The following GNAI1 variants were observed in gnomAD, a reference collection of about 807,000 sequenced individuals.
The protein encoded by GNAI1 is guanine nucleotide-binding protein G(i) subunit alpha-1.
A neutral mutation model predicts 38.9 loss-of-function variants in GNAI1; 11 were observed. The ratio of observed to expected loss-of-function variants is 0.28; its 90% CI spans 0.18 to 0.47. The LOEUF is 0.47. Among genes scored for constraint, GNAI1 ranks in the 20% least tolerant of loss-of-function variants. The probability of loss-of-function intolerance (pLI) is 0.99; values close to 1 mark genes in which losing one functional copy is unlikely to be tolerated. For synonymous variants in GNAI1, 166 were observed against 145.1 expected (o/e 1.14, Z -1.04); for missense variants, 317 against 436.9 (o/e 0.73, Z 2.45).
At chr7:80,141,476 G>C (rs1009117036) in intron 1 of GNAI1, among the ~76,000 whole-genome samples, 1 of 152,168 alleles carries the variant, frequency 6.6e-6, no homozygotes, top group Non-Finnish European at 1.5e-5. Context: ...AAGAAAAAAG[G>C]AGTCTCTAGT....
At chr7:80,186,140 C>A (rs563337622) in intron 1 of GNAI1, among the ~76,000 whole-genome samples, 60 of 149,926 alleles carry the variant, frequency 4.0e-4, no homozygotes, top group African/African-American at 1.4e-3. Context: ...TCAAGCAGCT[C>A]TTCTGCCTCA....
At chr7:80,207,296 G>T (rs1052396731) in intron 5 of GNAI1, among the ~76,000 whole-genome samples, 1 of 151,976 alleles carries the variant, frequency 6.6e-6, no homozygotes, top group Non-Finnish European at 1.5e-5. Flanking sequence ...TCTTGGTTAG[G>T]TGCACTCTTA....
intron 1 of GNAI1, among the ~76,000 whole-genome samples, chr7:80,173,137 T>A (rs1788124702): frequency 6.6e-6 from 1 of 152,164 alleles, no homozygotes; most frequent in Non-Finnish European, 1.5e-5. Flanking sequence ...GGACACCTCC[T>A]CCACTTCCCG....
intron 1 of GNAI1, among the ~76,000 whole-genome samples, chr7:80,178,618 AT>A (rs1336062500): frequency 6.6e-6 from 1 of 152,194 alleles, no homozygotes; most frequent in Non-Finnish European, 1.5e-5. Flanking sequence ...GTAATAAAGT[AT>A]TTTTTATTAA....
In GNAI1 at chr7:80,158,343, C is replaced by T. The variant is rs972551744; in HGVS notation, c.118+23065C>T. Among the ~76,000 whole-genome samples, 13 of 152,294 alleles carry T rather than the reference C, an allele frequency of 8.5e-5. No individual in the cohort carries two copies. The East Asian group carries it at 2.1e-3, about 25-fold the overall frequency. On this transcript the variant is annotated intron_variant, in intron 1 of 7. Transcript: ENST00000649796. ...TAATATTTAGCAGTGTTTCCACATA[C>T]TTATGAAATTCTTGTTTTCTAAAGG...
Position 80,172,504 on chromosome 7 carries a change from CAT to C in GNAI1, c.119-16444_119-16443del, listed in dbSNP as rs552695431. On this transcript the variant is annotated intron_variant, in intron 1 of 7. Transcript: ENST00000649796. ...CTTGAGTATTTATTTTAGTCAAAAACATATGCTTCTATTCAGCAATCTTTTGA... is the reference window on the plus strand; with the variant it reads ...CTTGAGTATTTATTTTAGTCAAAAACATGCTTCTATTCAGCAATCTTTTGA... 8.5e-5 allele frequency among the ~76,000 whole-genome samples: 13 copies of C among 152,268 alleles called. No homozygotes were observed. The East Asian group carries it at 2.1e-3, about 25-fold the overall frequency.
In GNAI1 at chr7:80,139,603, G is replaced by A. The variant is rs181605688; in HGVS notation, c.118+4325G>A. 1.2e-3 allele frequency among the ~76,000 whole-genome samples: 181 copies of A among 152,172 alleles called. 2 individuals carry two copies. Among genetic ancestry groups the A allele is most frequent in the African/African-American group, 4.3e-3 (178 of 41,526 alleles). On this transcript the variant is annotated intron_variant, in intron 1 of 7. Coordinates refer to ENST00000649796, the MANE Select transcript of GNAI1 (RefSeq NM_002069.6). The stretch of plus-strand genomic sequence containing the variant: ...CTTCTATTTTATTATGTGTAAAATG[G>A]CTTCTTAATTATGTAAAATTATTAT...
chr7:80,209,099 A>C (rs1022600827), intron 5 of GNAI1, among the ~76,000 whole-genome samples: 5 of 152,144 alleles, frequency 3.3e-5, no homozygotes, highest in Admixed American at 2.0e-4. Flanking sequence ...AATCTCTTCA[A>C]GATAGTGTAG....
rs1789136467 is a variant in GNAI1 at position 80,225,033 on chromosome 7, A to C, written c.*7540A>C. Among the ~76,000 whole-genome samples, 1 of 152,216 alleles carries C rather than the reference A, an allele frequency of 6.6e-6. No homozygotes were observed. Among genetic ancestry groups the C allele is most frequent in the South Asian group, 2.1e-4 (1 of 4,832 alleles). On this transcript the variant is annotated 3_prime_UTR_variant, in exon 8 of 8. Coordinates refer to ENST00000649796, the MANE Select transcript of GNAI1 (RefSeq NM_002069.6). ...CAAGTTTTAGAGAAACACATACAAA[A>C]ACTAAAAAGGATAGAATGCTAAAAT...
At position 80,223,236 on chromosome 7, in the gene GNAI1, A is replaced by G. The variant is rs1162691774; in HGVS notation, c.*5743A>G. On this transcript the variant is annotated 3_prime_UTR_variant, in exon 8 of 8. Transcript: ENST00000649796. ...CCTTTTCCAACTGCAGTGTCTATGG[A>G]GGGATTCTTATAATTAATTTTATTC... is the stretch of plus-strand genomic sequence containing the variant. 6.6e-6 allele frequency among the ~76,000 whole-genome samples: 1 copy of G among 152,166 alleles called. No individual in the cohort carries two copies. Among genetic ancestry groups the G allele is most frequent in the African/African-American group, 2.4e-5 (1 of 41,448 alleles).
intron 1 of GNAI1, among the ~76,000 whole-genome samples, chr7:80,161,223 T>C (rs1268808822): frequency 6.6e-6 from 1 of 152,194 alleles, no homozygotes; most frequent in Non-Finnish European, 1.5e-5. Flanking sequence ...TACTGTTGCA[T>C]TATTACCTTA....
chr7:80,159,434 G>A (rs900909923), intron 1 of GNAI1, among the ~76,000 whole-genome samples: 1 of 151,986 alleles, frequency 6.6e-6, no homozygotes, highest in South Asian at 2.1e-4. Context: ...ACTCTTGTTG[G>A]CCCATAGCAG....
intron 1 of GNAI1, among the ~76,000 whole-genome samples, chr7:80,147,008 A>G (rs1015265717): frequency 1.3e-5 from 2 of 152,204 alleles, no homozygotes; most frequent in Non-Finnish European, 2.9e-5. Flanking sequence ...ATCATCTTGC[A>G]TGGAAACATC....
In GNAI1 at chr7:80,149,064, A is replaced by G. The variant is rs556509978; in HGVS notation, c.118+13786A>G. Reference sequence around the variant, plus strand: ...TCTCTCTATATAAAATATTACAGCTATACTGTGGACATTTAGGGAAGCAAA... The same window carrying G: ...TCTCTCTATATAAAATATTACAGCTGTACTGTGGACATTTAGGGAAGCAAA... On this transcript the variant is annotated intron_variant, in intron 1 of 7. Transcript: ENST00000649796. Among the ~76,000 whole-genome samples the G allele has an allele frequency of 9.2e-5, 14 of 152,250 alleles. No homozygotes were observed. In the East Asian group the frequency reaches 2.5e-3, roughly 27 times the overall value.
At chr7:80,206,763 A>G (rs1257022138) in intron 5 of GNAI1, among the ~76,000 whole-genome samples, 1 of 151,984 alleles carries the variant, frequency 6.6e-6, no homozygotes, top group Non-Finnish European at 1.5e-5. Context: ...ATAGTACTGA[A>G]CCCTATATAC....
intron 1 of GNAI1, among the ~76,000 whole-genome samples, chr7:80,175,433 A>G (rs1159558571): frequency 1.3e-5 from 2 of 152,058 alleles, no homozygotes; most frequent in African/African-American, 4.8e-5. Context: ...AAACTTAACC[A>G]ATTTCCAAAT....
At chr7:80,185,692 C>T (rs1788374344) in intron 1 of GNAI1, among the ~76,000 whole-genome samples, 2 of 152,140 alleles carry the variant, frequency 1.3e-5, no homozygotes, top group Non-Finnish European at 2.9e-5. Context: ...TTGGCATGCA[C>T]ATCAGGCAAC....
intron 1 of GNAI1, among the ~76,000 whole-genome samples, chr7:80,176,451 A>G (rs1584028633): frequency 6.6e-6 from 1 of 152,242 alleles, no homozygotes; most frequent in Non-Finnish European, 1.5e-5. Context: ...CAGATTTTCA[A>G]TGTAGGCAAA....
rs962801732 is a variant in GNAI1 at position 80,221,853 on chromosome 7, G to A, written c.*4360G>A. 3.3e-5 allele frequency among the ~76,000 whole-genome samples: 5 copies of A among 151,886 alleles called. No individual in the cohort carries two copies. In the East Asian group the frequency reaches 5.8e-4, roughly 18 times the overall value. On this transcript the variant is annotated 3_prime_UTR_variant, in exon 8 of 8. Coordinates refer to ENST00000649796, the MANE Select transcript of GNAI1 (RefSeq NM_002069.6). ...AGGGGGGTTTCACCATGTTGGCCAG[G>A]ATGGTCTTGATCACCTGACCTTGTG... is the stretch of plus-strand genomic sequence containing the variant.
Sources: gnomAD v4.1 joint callset for allele counts (sites outside exome capture counted in the v4.1 genomes callset) on GRCh38, gnomAD v4.1.1 for gene constraint, MANE v1.5 for transcripts, NCBI Gene and HGNC (gene_info 2026-07-23, HGNC 2026-07-21) for gene names.